SORBS2: variants seen among roughly 807,000 people sequenced by gnomAD.
SORBS2 encodes sorbin and SH3 domain containing 2, also known as sorbin and SH3 domain-containing protein 2.
Under a neutral mutation model 97.7 loss-of-function variants are expected in SORBS2, and 46 were observed. The ratio of observed to expected loss-of-function variants is 0.47; its 90% CI spans 0.37 to 0.60. The LOEUF is 0.60. SORBS2 is among the 20% of genes least tolerant of loss of function. SORBS2 has a pLI of 0.00. For missense variants in SORBS2, 1,316 were observed against 1,282.3 expected (o/e 1.03, Z -0.40); for synonymous variants, 476 against 473.4 (o/e 1.01, Z -0.07).
intron 12 of SORBS2, among the ~76,000 whole-genome samples, chr4:185,595,529 C>G (rs2096064103): frequency 6.6e-6 from 1 of 152,084 alleles, no homozygotes; most frequent in South Asian, 2.1e-4. Flanking sequence ...ATTTCAAGTT[C>G]TCTTCCAGTC....
At chr4:185,681,147 T>G (rs370801096) in intron 2 of SORBS2, among the ~76,000 whole-genome samples, 1 of 152,200 alleles carries the variant, frequency 6.6e-6, no homozygotes, top group South Asian at 2.1e-4. Flanking sequence ...AAGTCTGCCT[T>G]GAAGTGGCTG....
intron 1 of SORBS2, among the ~76,000 whole-genome samples, chr4:185,895,898 C>T (rs143122049): frequency 3.9e-4 from 60 of 152,250 alleles, no homozygotes; most frequent in African/African-American, 1.2e-3. Context: ...AGTTTGGTCC[C>T]AAATTCTCAG....
intron 1 of SORBS2, among the ~76,000 whole-genome samples, chr4:185,814,377 C>A (rs2153668856): frequency 6.6e-6 from 1 of 150,750 alleles, no homozygotes; most frequent in East Asian, 2.0e-4. Context: ...AAAAAAAAAT[C>A]AAACAAACAA....
chr4:185,823,302 C>T (rs1023886123), intron 1 of SORBS2, among the ~76,000 whole-genome samples: 3 of 152,254 alleles, frequency 2.0e-5, no homozygotes, highest in East Asian at 3.9e-4. Context: ...GTCTCAGATG[C>T]TTTTTGGTTT....
chr4:185,714,800 A>T (rs2098452277), intron 2 of SORBS2, among the ~76,000 whole-genome samples: 1 of 152,282 alleles, frequency 6.6e-6, no homozygotes, highest in South Asian at 2.1e-4. Context: ...AACCACCCCC[A>T]TGATCCAATT....
At chr4:185,797,067 AG>A (rs1293233521) in intron 1 of SORBS2, among the ~76,000 whole-genome samples, 1 of 152,242 alleles carries the variant, frequency 6.6e-6, no homozygotes, top group African/African-American at 2.4e-5. Flanking sequence ...GAGAAACCTC[AG>A]AGGCTCCTCC....
At chr4:185,853,108 G>C (rs1000774758) in intron 1 of SORBS2, among the ~76,000 whole-genome samples, 1 of 152,146 alleles carries the variant, frequency 6.6e-6, no homozygotes, top group Admixed American at 6.5e-5. Context: ...ATGTCTAGTG[G>C]TGACCCTGAG....
chr4:185,923,384 C>G (rs965447934), intron 1 of SORBS2, among the ~76,000 whole-genome samples: 7 of 152,046 alleles, frequency 4.6e-5, no homozygotes, highest in African/African-American at 1.7e-4. Flanking sequence ...CTCACTGCTC[C>G]TGGGCTCAAG....
At chr4:185,781,473 T>C (rs948772323) in intron 1 of SORBS2, among the ~76,000 whole-genome samples, 1 of 151,972 alleles carries the variant, frequency 6.6e-6, no homozygotes, top group Non-Finnish European at 1.5e-5. Flanking sequence ...ACCACCTTCC[T>C]CCCAGTGCCA....
In SORBS2 at chr4:185,623,465, C is replaced by CGGTGGT. The variant is rs748769484; in HGVS notation, c.1658_1663dup (p.His553_His554dup). On this transcript the variant is annotated inframe_insertion, in exon 7 of 15. Transcript: ENST00000418609. The surrounding 1 kb of genome is among the most constrained non-coding windows in gnomAD (Gnocchi z 6.4). ...GCCTTTGCAGGAGCTGATGAGGTGG[C>CGGTGGT]GGTGGTGGTGGTGGTGGTGATGGTG... 10 of 1,611,904 alleles carry CGGTGGT rather than the reference C, an allele frequency of 6.2e-6. No homozygotes were observed. Among genetic ancestry groups the CGGTGGT allele is most frequent in the South Asian group, 4.4e-5 (4 of 91,022 alleles).
chr4:185,614,383 C>T (rs571889636), intron 11 of SORBS2, among the ~76,000 whole-genome samples: 24 of 151,666 alleles, frequency 1.6e-4, no homozygotes, highest in African/African-American at 5.6e-4. Context: ...GCTCTTAAAG[C>T]GGCTCCCCCA....
chr4:185,720,623 ACCCAGGTGCTCTG>A (rs914488952), intron 2 of SORBS2, among the ~76,000 whole-genome samples: 1 of 151,962 alleles, frequency 6.6e-6, no homozygotes, highest in Non-Finnish European at 1.5e-5. Flanking sequence ...GGCCTCCGGT[ACCCAGGTGCTCTG>A]CCTTGTGACT....
At chr4:185,643,291 G>A (rs1428077161) in intron 4 of SORBS2, among the ~76,000 whole-genome samples, 2 of 152,192 alleles carry the variant, frequency 1.3e-5, no homozygotes, top group East Asian at 3.9e-4. Flanking sequence ...GGGAGGTGCA[G>A]CCTTTACAGA....
intron 2 of SORBS2, among the ~76,000 whole-genome samples, chr4:185,759,980 G>A (rs2098862311): frequency 6.6e-6 from 1 of 152,096 alleles, no homozygotes; most frequent in Admixed American, 6.5e-5. Flanking sequence ...ATATTCCTAT[G>A]GGGCAAATTT....
At chr4:185,887,958 ATATGTGTGTGTGTG>A (rs56044569) in intron 1 of SORBS2, among the ~76,000 whole-genome samples, 38,946 of 148,960 alleles carry the variant, frequency 0.26, 5,337 homozygotes, top group East Asian at 0.54. Flanking sequence ...TAGTATATAT[ATATGTGTGTGTGTG>A]TGTGTGTGTG....
intron 1 of SORBS2, among the ~76,000 whole-genome samples, chr4:185,931,817 A>ACACACATG (rs1028260676): frequency 5.3e-5 from 8 of 151,772 alleles, no homozygotes; most frequent in African/African-American, 9.7e-5. Flanking sequence ...AGACAGACAC[A>ACACACATG]CACACATGCA....
intron 1 of SORBS2, among the ~76,000 whole-genome samples, chr4:185,851,024 C>A (rs376387359): frequency 6.6e-6 from 1 of 152,164 alleles, no homozygotes; most frequent in African/African-American, 2.4e-5. Flanking sequence ...ACACCAACGG[C>A]TTTCCTGGTT....
intron 2 of SORBS2, among the ~76,000 whole-genome samples, chr4:185,756,817 T>C (rs898039266): frequency 1.3e-5 from 2 of 151,322 alleles, no homozygotes; most frequent in Admixed American, 1.3e-4. Context: ...GGCATGCTCC[T>C]AAAACAACTA....
intron 5 of SORBS2, 99 bp from the exon 18 acceptor site, chr4:185,627,118 C>T (rs2096828295): frequency 1.0e-6 from 1 of 952,704 alleles, no homozygotes; most frequent in Non-Finnish European, 1.7e-6. Context: ...GGCGTAACTC[C>T]TAAACCTCTA....
Sources: allele counts gnomAD v4.1 joint callset (sites outside exome capture counted in the v4.1 genomes callset), GRCh38; gene constraint gnomAD v4.1.1; non-coding constraint Gnocchi (gnomAD v3.1); transcripts MANE v1.5; gene names NCBI Gene and HGNC (gene_info 2026-07-23, HGNC 2026-07-21).